SMAD5: variants seen among roughly 807,000 people sequenced by gnomAD.
SMAD5 encodes the protein MAD, mothers against decapentaplegic homolog 5.
In SMAD5, 9 loss-of-function variants were observed where a neutral mutation model predicts 43.1. The ratio of observed to expected loss-of-function variants is 0.21; its 90% CI spans 0.13 to 0.36. The LOEUF is 0.36. SMAD5 is among the 10% of genes least tolerant of loss of function. The pLI is 1.00. For synonymous variants in SMAD5, 190 were observed against 192.4 expected (o/e 0.99, Z 0.10); for missense variants, 348 against 574.0 (o/e 0.61, Z 4.02).
intron 4 of SMAD5, among the ~76,000 whole-genome samples, chr5:136,162,997 T>A (rs1290255145): frequency 6.6e-6 from 1 of 152,240 alleles, no homozygotes; most frequent in African/African-American, 2.4e-5. Flanking sequence ...ATTCTTGACC[T>A]TGAATTCTGT....
intron 5 of SMAD5, among the ~76,000 whole-genome samples, chr5:136,165,282 G>T (rs1417365375): frequency 6.6e-6 from 1 of 152,016 alleles, no homozygotes; most frequent in Non-Finnish European, 1.5e-5. Context: ...TGAGTAGCTG[G>T]GACTACAGGC....
chr5:136,152,290 CT>C, intron 2 of SMAD5, among the ~76,000 whole-genome samples: 1 of 152,066 alleles, frequency 6.6e-6, no homozygotes, highest in East Asian at 1.9e-4. Flanking sequence ...CTTGGCATAA[CT>C]TTTTTTAAAA....
Position 136,177,340 on chromosome 5 carries a change from TG to T in SMAD5, c.1262del (p.Gly421GlufsTer9). 1 of 1,613,772 alleles carries T rather than the reference TG, an allele frequency of 6.2e-7. No homozygotes were observed. Among genetic ancestry groups the T allele is most frequent in the Non-Finnish European group, 8.5e-7 (1 of 1,179,744 alleles). On this transcript the variant is annotated frameshift_variant, in exon 8 of 8. Coordinates refer to ENST00000545279, the MANE Select transcript of SMAD5 (RefSeq NM_005903.7). LOFTEE classifies it high-confidence loss of function. ...CTIRMSFVKG[W>X]GAEYHRQDVT... is the part of the protein sequence containing the mutation. ...TGATATCTGTTCATTTTCATAGGGT[TG>T]GGGAGCAGAATATCACCGGCAGGAT...
At chr5:136,142,289 T>G (rs561124818) in intron 1 of SMAD5, among the ~76,000 whole-genome samples, 3 of 152,180 alleles carry the variant, frequency 2.0e-5, no homozygotes, top group Non-Finnish European at 4.4e-5. Flanking sequence ...TTGGGAAGAC[T>G]TCCCCGAAGA....
At chr5:136,171,584 T>C (rs756899886) in intron 5 of SMAD5, among the ~76,000 whole-genome samples, 2 of 152,148 alleles carry the variant, frequency 1.3e-5, no homozygotes, top group Non-Finnish European at 2.9e-5. Flanking sequence ...TTTTTGTTTT[T>C]CCATTTTGGA....
At chr5:136,171,094 G>A (rs188651117) in intron 5 of SMAD5, among the ~76,000 whole-genome samples, 1 of 152,254 alleles carries the variant, frequency 6.6e-6, no homozygotes, top group Admixed American at 6.5e-5. Flanking sequence ...ATGTTGAAAA[G>A]TGGGAGAGGA....
chr5:136,143,642 T>G lies in SMAD5; in HGVS notation c.-244-4190T>G, dbSNP rs140701033. Among the ~76,000 whole-genome samples the G allele has an allele frequency of 3.2e-3, 492 of 152,088 alleles. 1 individual carries two copies. The highest frequency in any genetic ancestry group is 5.1e-3 in the Non-Finnish European group (349 of 67,950). On this transcript the variant is annotated intron_variant, in intron 1 of 7. Coordinates refer to ENST00000545279, the MANE Select transcript of SMAD5 (RefSeq NM_005903.7). ...CTCGTCCTTGTACTTTCTTGCCAAG[T>G]GGACTGTGAATGATAGATTGTTATA... is the stretch of plus-strand genomic sequence containing the variant.
In SMAD5 at chr5:136,178,844, G is replaced by C. The variant is rs1011959083; in HGVS notation, c.*1364G>C. The C allele has an allele frequency of 6.6e-6, 1 of 152,282 alleles. No homozygotes were observed. Among genetic ancestry groups the C allele is most frequent in the Non-Finnish European group, 1.5e-5 (1 of 68,162 alleles). The allele number at this position is 152,282 out of a possible 1,614,324, so 9.4% of individuals were successfully genotyped here. ...CTGAGGCAGGCAGATCATGATGTCA[G>C]GAGTTTGAGACCAGCCTGGCCAATA... is the stretch of plus-strand genomic sequence containing the variant. On this transcript the variant is annotated 3_prime_UTR_variant, in exon 8 of 8. Transcript: ENST00000545279.
intron 6 of SMAD5, 71 bp from the exon 7 acceptor site, chr5:136,174,302 TTGC>T: frequency 7.0e-7 from 1 of 1,420,722 alleles, no homozygotes. Context: ...GGTACTTTTG[TTGC>T]ACCATACAGT....
chr5:136,173,655 T>C (rs1215714078), intron 6 of SMAD5, among the ~76,000 whole-genome samples: 3 of 152,072 alleles, frequency 2.0e-5, no homozygotes, highest in African/African-American at 7.2e-5. Flanking sequence ...ATCAGTTTTT[T>C]CTTTTTCCCC....
Position 136,179,851 on chromosome 5 carries a change from T to G in SMAD5, c.*2371T>G, listed in dbSNP as rs1205118344. ...GAATGACTGATGTATGTAATCAACT[T>G]CATTGGGCTGCAGTAAACTAGTGGA... On this transcript the variant is annotated 3_prime_UTR_variant, in exon 8 of 8. Transcript: ENST00000545279. 1 of 152,236 alleles carries G rather than the reference T, an allele frequency of 6.6e-6. No homozygotes were observed. The highest frequency in any genetic ancestry group is 2.4e-5 in the African/African-American group (1 of 41,462). The allele number at this position is 152,236 out of a possible 1,614,324, so 9.4% of individuals were successfully genotyped here. A position where few individuals can be genotyped will look rare whatever the true frequency, so the allele number is the denominator to read the frequency against.
At chr5:136,171,915 G>A (rs1425564962) in intron 5 of SMAD5, among the ~76,000 whole-genome samples, 1 of 152,200 alleles carries the variant, frequency 6.6e-6, no homozygotes, top group African/African-American at 2.4e-5. Flanking sequence ...GATGGTATTT[G>A]AAGATGGAAA....
chr5:136,168,926 C>G lies in SMAD5; in HGVS notation c.776-3508C>G, dbSNP rs1038836174. Among the ~76,000 whole-genome samples, 5 of 152,002 alleles carry G rather than the reference C, an allele frequency of 3.3e-5. No homozygotes were observed. In the East Asian group the frequency reaches 9.6e-4, roughly 29 times the overall value. ...TTTTTAGCATCTCTATTAGGGTTCT[C>G]TAGAGGGACAGAACTAATAGGATAT... On this transcript the variant is annotated intron_variant, in intron 5 of 7. Transcript: ENST00000545279.
intron 1 of SMAD5, chr5:136,133,169 C>T (rs1271729461): frequency 1.3e-5 from 2 of 152,426 alleles, no homozygotes; most frequent in Non-Finnish European, 2.9e-5. Flanking sequence ...GGAGGCCTCG[C>T]TGGCTGCCCG....
chr5:136,145,345 A>G (rs898157508), intron 1 of SMAD5, among the ~76,000 whole-genome samples: 1 of 151,910 alleles, frequency 6.6e-6, no homozygotes, highest in African/African-American at 2.4e-5. Flanking sequence ...TCACATCTTC[A>G]TTTAGATCCT....
intron 1 of SMAD5, among the ~76,000 whole-genome samples, chr5:136,145,982 A>G (rs186710774): frequency 4.7e-4 from 71 of 151,970 alleles, no homozygotes; most frequent in Admixed American, 1.1e-3. Context: ...AGCGACCTTT[A>G]TATCTTTAGG....
At chr5:136,146,420 T>C (rs1342190512) in intron 1 of SMAD5, among the ~76,000 whole-genome samples, 4 of 151,756 alleles carry the variant, frequency 2.6e-5, no homozygotes, top group African/African-American at 9.7e-5. Flanking sequence ...AAGATAGGTG[T>C]TCTCAGTGTT....
chr5:136,172,771 G>T, intron 6 of SMAD5, 116 bp downstream of exon 6: 1 of 695,686 alleles, frequency 1.4e-6, no homozygotes, highest in Non-Finnish European at 2.6e-6. Flanking sequence ...CGTGGCCTCT[G>T]CCTTAAGTTG....
chr5:136,149,092 A>G (rs1187477439), intron 2 of SMAD5, among the ~76,000 whole-genome samples: 1 of 151,798 alleles, frequency 6.6e-6, no homozygotes, highest in Non-Finnish European at 1.5e-5. Context: ...CTGTTTTTGA[A>G]TGTTGTGTAG....
Sources: gnomAD v4.1 joint callset for allele counts (sites outside exome capture counted in the v4.1 genomes callset) on GRCh38, gnomAD v4.1.1 for gene constraint, MANE v1.5 for transcripts, NCBI Gene and HGNC (gene_info 2026-07-23, HGNC 2026-07-21) for gene names.